HIVEP3: variants seen among roughly 807,000 people sequenced by gnomAD.
HIVEP3 encodes the protein transcription factor HIVEP3.
A neutral mutation model predicts 152.8 loss-of-function variants in HIVEP3; 49 were observed. That is an observed-to-expected ratio of 0.32 (90% CI 0.26 to 0.41). The LOEUF is 0.41. HIVEP3 is among the 10% of genes least tolerant of loss of function. The pLI is 1.00. For missense variants in HIVEP3, 2,790 were observed against 3,103.3 expected (o/e 0.90, Z 2.40); for synonymous variants, 1,269 against 1,289.0 (o/e 0.98, Z 0.33).
In HIVEP3 at chr1:41,581,306, G is replaced by A. The variant is rs756556940; in HGVS notation, c.3492C>T (p.Ser1164=). ...ACAGGAGGCTGGACATGGCCTGGGT[G>A]GAGAAGAATTCTGGAGACTGTCCTG... The part of the protein sequence containing the change: ...HEPGQSPEFF[S]TQAMSSLLSS... Residue 1164 remains serine (S), a synonymous_variant, in exon 4 of 9, where the codon TCC becomes TCT. Transcript: ENST00000372583. This position sits in a 1 kb window ranked among gnomAD's most constrained non-coding sequence, Gnocchi z 4.5. 3.2e-5 allele frequency: 51 copies of A among 1,613,026 alleles called. No individual in the cohort carries two copies. In the South Asian group the frequency reaches 5.6e-4, roughly 18 times the overall value.
At chr1:41,804,781 T>C (rs1211997152) in intron 1 of HIVEP3, among the ~76,000 whole-genome samples, 1 of 152,196 alleles carries the variant, frequency 6.6e-6, no homozygotes, top group Non-Finnish European at 1.5e-5. Flanking sequence ...AATAGGCTGG[T>C]CAGAGCAAGT....
chr1:41,605,367 G>GCACACA (rs759038416), intron 3 of HIVEP3, among the ~76,000 whole-genome samples: 283 of 111,774 alleles, frequency 2.5e-3, no homozygotes, highest in Non-Finnish European at 3.4e-3. Flanking sequence ...ATACACACAC[G>GCACACA]CACACGCGCA....
intron 2 of HIVEP3, among the ~76,000 whole-genome samples, chr1:41,652,502 G>C (rs79968212): frequency 0.05 from 7,653 of 152,280 alleles, 247 homozygotes; most frequent in Middle Eastern, 0.099. Flanking sequence ...GAGGATCAGG[G>C]AAAGTGGAGG....
Position 41,628,913 on chromosome 1 carries a change from A to T in HIVEP3, c.-686T>A. 1 of 1,231,492 alleles carries T rather than the reference A, an allele frequency of 8.1e-7. No individual in the cohort carries two copies. The highest frequency in any genetic ancestry group is 1.0e-6 in the Non-Finnish European group (1 of 987,758). 76.3% of individuals were successfully genotyped at this position (1,231,492 alleles called of 1,614,324 possible). On this transcript the variant is annotated 5_prime_UTR_variant, in exon 3 of 9. Coordinates refer to ENST00000372583, the MANE Select transcript of HIVEP3 (RefSeq NM_024503.5). ...AGGACCCCGCGAGGCTCCTCCATGA[A>T]CTAGGTTGAGGCTGCTGGGTTTGTG...
At chr1:41,589,422 G>A (rs917890828) in intron 3 of HIVEP3, among the ~76,000 whole-genome samples, 1 of 152,240 alleles carries the variant, frequency 6.6e-6, no homozygotes, top group African/African-American at 2.4e-5. Flanking sequence ...ACTTGCTGGG[G>A]TTGGAGCCAC....
chr1:41,852,924 C>G (rs1327576477), intron 1 of HIVEP3, among the ~76,000 whole-genome samples: 1 of 152,214 alleles, frequency 6.6e-6, no homozygotes, highest in Non-Finnish European at 1.5e-5. Context: ...GTAAAGTTGT[C>G]CTTGGGAAGA....
chr1:41,790,897 T>C (rs1489486105), intron 1 of HIVEP3, among the ~76,000 whole-genome samples: 1 of 152,146 alleles, frequency 6.6e-6, no homozygotes, highest in African/African-American at 2.4e-5. Context: ...CCAACCCCTG[T>C]ACCATTTTCT....
intron 2 of HIVEP3, 128 bp from the exon 3 acceptor site, chr1:41,629,075 C>T: frequency 1.9e-6 from 1 of 530,196 alleles, no homozygotes; most frequent in Non-Finnish European, 2.8e-6. Context: ...TTACTTGGTA[C>T]AGGGCCTGAT....
chr1:42,007,821 T>TAA (rs5773757), intron 1 of HIVEP3, among the ~76,000 whole-genome samples: 3 of 151,836 alleles, frequency 2.0e-5, no homozygotes, highest in South Asian at 2.1e-4. Flanking sequence ...TTCATTTGCT[T>TAA]AAAAAAATGA....
intron 3 of HIVEP3, among the ~76,000 whole-genome samples, chr1:41,614,446 G>T (rs1644939556): frequency 6.6e-6 from 1 of 152,184 alleles, no homozygotes; most frequent in South Asian, 2.1e-4. Context: ...CACCCTTTCT[G>T]CCTAAGGCAA....
chr1:41,942,142 G>A (rs1325716392), intron 1 of HIVEP3, among the ~76,000 whole-genome samples: 1 of 152,052 alleles, frequency 6.6e-6, no homozygotes, highest in Non-Finnish European at 1.5e-5. Context: ...TTCCAGCTTT[G>A]GCAGTCTCAT....
Position 41,580,361 on chromosome 1 carries a change from C to T in HIVEP3, c.4437G>A (p.Lys1479=). 3 of 1,614,204 alleles carry T rather than the reference C, an allele frequency of 1.9e-6. No homozygotes were observed. Among genetic ancestry groups the T allele is most frequent in the South Asian group, 2.2e-5 (2 of 91,088 alleles). The change falls in exon 4 of 9, where the codon AAG becomes AAA. Residue 1479 remains lysine, a synonymous_variant. Coordinates refer to ENST00000372583, the MANE Select transcript of HIVEP3 (RefSeq NM_024503.5). ...SVVLTSTEDG[K]RPEKSHLGNQ... ...TGCCTAAGTGGGATTTCTCTGGCCT[C>T]TTCCCATCCTCGGTGCTGGTAAGGA...
At chr1:41,560,619 C>A (rs1251795597) in intron 5 of HIVEP3, among the ~76,000 whole-genome samples, 1 of 152,180 alleles carries the variant, frequency 6.6e-6, no homozygotes, top group Non-Finnish European at 1.5e-5. Flanking sequence ...GACCTCATTG[C>A]CTCCCGGGGC....
chr1:41,897,938 GGAGAGAGAGAGAGAGAGAGAGAGAGAGA>G (rs71065103), intron 1 of HIVEP3, among the ~76,000 whole-genome samples: 1 of 130,000 alleles, frequency 7.7e-6, no homozygotes, highest in Non-Finnish European at 1.6e-5. Flanking sequence ...TGAGAGAGAG[GGAGAGAGAGAGAGAGAGAGAGAGAGAGA>G]GAGAGAGAGA....
Position 41,837,753 on chromosome 1 carries a change from C to A in HIVEP3, c.-801+80660G>T, listed in dbSNP as rs991831947. On this transcript the variant is annotated intron_variant, in intron 1 of 8. Transcript: ENST00000372583. ...TACAGGCAAGCACACTGGCTTTCTT[C>A]CCCCTGAATCCCTAGCCCTGGAACA... Among the ~76,000 whole-genome samples the A allele has an allele frequency of 2.0e-5, 3 of 152,342 alleles. No individual in the cohort carries two copies. The East Asian group carries it at 5.8e-4, about 29-fold the overall frequency.
At chr1:41,677,496 T>C (rs1300896945) in intron 2 of HIVEP3, among the ~76,000 whole-genome samples, 1 of 152,230 alleles carries the variant, frequency 6.6e-6, no homozygotes, top group East Asian at 1.9e-4. Context: ...TAGTGATGCC[T>C]ACCTCAAAGG....
intron 3 of HIVEP3, 143 bp from the exon 4 acceptor site, chr1:41,585,461 A>C: frequency 2.5e-6 from 1 of 396,598 alleles, no homozygotes. Context: ...AGGGAAACTC[A>C]AGCAGAACCA....
rs1271736799 is a variant in HIVEP3, at chr1:41,662,233, C to G, written c.-720-33286G>C. 2.1e-5 allele frequency: 3 copies of G among 145,740 alleles called. No homozygotes were observed. The highest frequency in any genetic ancestry group is 2.5e-5 in the African/African-American group (1 of 40,706). 9.0% of individuals were successfully genotyped at this position (145,740 alleles called of 1,614,324 possible). A position where few individuals can be genotyped will look rare whatever the true frequency, so the allele number is the denominator to read the frequency against. ...CCGGCCTCCGCGCGGCTCGGCAGCG[C>G]CCGCGCGCTCGGCTCCGCCCGGCTC... On this transcript the variant is annotated intron_variant, in intron 2 of 8. Coordinates refer to ENST00000372583, the MANE Select transcript of HIVEP3 (RefSeq NM_024503.5). This position sits in a 1 kb window ranked among gnomAD's most constrained non-coding sequence, Gnocchi z 7.2.
intron 3 of HIVEP3, among the ~76,000 whole-genome samples, chr1:41,620,511 C>T (rs182603611): frequency 1.3e-5 from 2 of 152,250 alleles, no homozygotes; most frequent in East Asian, 3.9e-4. Flanking sequence ...TTCCTAGATG[C>T]CTGTACTCAG....
Sources: allele counts gnomAD v4.1 joint callset (sites outside exome capture counted in the v4.1 genomes callset), GRCh38; gene constraint gnomAD v4.1.1; non-coding constraint Gnocchi (gnomAD v3.1); transcripts MANE v1.5; gene names NCBI Gene and HGNC (gene_info 2026-07-23, HGNC 2026-07-21).